CEP76: variants seen among roughly 807,000 people sequenced by gnomAD.
CEP76 encodes centrosomal protein of 76 kDa.
Under a neutral mutation model 83.3 loss-of-function variants are expected in CEP76, and 55 were observed. That is an observed-to-expected ratio of 0.66 (90% CI 0.53 to 0.83). The LOEUF (loss-of-function observed/expected upper bound fraction) is 0.83, where lower values mean the gene tolerates loss of function less well. Among genes scored for constraint, CEP76 ranks in the 40% least tolerant of loss-of-function variants. CEP76 has a pLI of 0.00. For missense variants in CEP76, 694 were observed against 799.5 expected (o/e 0.87, Z 1.59); for synonymous variants, 270 against 274.5 (o/e 0.98, Z 0.16).
intron 10 of CEP76, among the ~76,000 whole-genome samples, chr18:12,675,154 TG>T (rs1164534122): frequency 6.6e-6 from 1 of 152,154 alleles, no homozygotes; most frequent in Non-Finnish European, 1.5e-5. Context: ...CCCAGCAGTT[TG>T]GGAGGCTGAG....
At position 12,695,341 on chromosome 18, in the gene CEP76, T is replaced by C; in HGVS notation, c.717A>G (p.Ser239=). Residue 239 remains serine (S), a synonymous_variant, in exon 6 of 12, where the codon TCA becomes TCG. Transcript: ENST00000262127. ...TVELMGVGTE[S]KVSVGILNIK... ...TATTTAAAATTCCCACAGAAACTTT[T>C]GATTCTGTGCCTATAAACATAAATA... The C allele has an allele frequency of 6.7e-7, 1 of 1,492,938 alleles. No homozygotes were observed. Among genetic ancestry groups the C allele is most frequent in the Non-Finnish European group, 9.3e-7 (1 of 1,080,434 alleles). The allele number at this position is 1,492,938 out of a possible 1,614,324, so 92.5% of individuals were successfully genotyped here. A position where few individuals can be genotyped will look rare whatever the true frequency, so the allele number is the denominator to read the frequency against.
At chr18:12,663,952 G>A (rs2038751497) in intron 12 of CEP76, among the ~76,000 whole-genome samples, 1 of 152,072 alleles carries the variant, frequency 6.6e-6, no homozygotes. Context: ...ATCACCTGAG[G>A]TTGGGAGTTC....
intron 8 of CEP76, among the ~76,000 whole-genome samples, chr18:12,683,792 A>G (rs2039437479): frequency 1.3e-5 from 2 of 152,130 alleles, no homozygotes; most frequent in Admixed American, 1.3e-4. Context: ...GTAGCAACAC[A>G]TAGAAAAATG....
intron 6 of CEP76, 125 bp downstream of exon 6, chr18:12,695,129 T>C (rs1046095279): frequency 1.3e-5 from 6 of 460,694 alleles, no homozygotes; most frequent in African/African-American, 2.0e-5. Context: ...TGTGAACCTT[T>C]GAGTGCTAAT....
chr18:12,675,838 T>C (rs1456274883), intron 10 of CEP76, among the ~76,000 whole-genome samples: 1 of 151,892 alleles, frequency 6.6e-6, no homozygotes, highest in East Asian at 1.9e-4. Flanking sequence ...CCGGCTAATT[T>C]TTGTATTTTT....
At chr18:12,674,251 A>C (rs139075277) in intron 11 of CEP76, among the ~76,000 whole-genome samples, 1 of 152,042 alleles carries the variant, frequency 6.6e-6, no homozygotes, top group Admixed American at 6.6e-5. Context: ...AGCCTGGGCA[A>C]CATAGGAAGA....
intron 6 of CEP76, among the ~76,000 whole-genome samples, chr18:12,694,740 C>A (rs1312783020): frequency 1.3e-5 from 2 of 148,664 alleles, no homozygotes; most frequent in Non-Finnish European, 3.0e-5. Flanking sequence ...GAGATGGAGT[C>A]TTGCTCTGTT....
chr18:12,671,606 T>C (rs74356286), downstream of CEP76, among the ~76,000 whole-genome samples: 1,378 of 150,700 alleles, frequency 9.1e-3, 30 homozygotes, highest in African/African-American at 0.032. Context: ...ATATATAAAA[T>C]TTTAAAATAA....
At chr18:12,702,329 G>A (rs964119752) in intron 1 of CEP76, 157 bp downstream of exon 1, 4 of 594,174 alleles carry the variant, frequency 6.7e-6, no homozygotes, top group Non-Finnish European at 1.2e-5. Context: ...ACGCTCTCCT[G>A]CCTCAAACTC....
chr18:12,702,081 G>T (rs182675551), intron 1 of CEP76, among the ~76,000 whole-genome samples: 300 of 152,264 alleles, frequency 2.0e-3, no homozygotes, highest in Non-Finnish European at 3.1e-3. Context: ...AGCCGAGATC[G>T]TGCCACTGCA....
chr18:12,691,386 G>A lies in CEP76; in HGVS notation c.906C>T (p.Asn302=), dbSNP rs759573758. ...REYLQIRPSH[N]SRLVKIFAQD... Reference sequence around the variant, plus strand: ...GTGCAAAAATCTTAACCAGTCGTGAGTTGTGTGAGGGTCGAATTTGCAAAT... The same window carrying A: ...GTGCAAAAATCTTAACCAGTCGTGAATTGTGTGAGGGTCGAATTTGCAAAT... Residue 302 remains asparagine (N), a synonymous_variant, in exon 7 of 12, where the codon AAC becomes AAT. Coordinates refer to ENST00000262127, the MANE Select transcript of CEP76 (RefSeq NM_024899.4). The A allele has an allele frequency of 6.2e-7, 1 of 1,605,032 alleles. No individual in the cohort carries two copies. Among genetic ancestry groups the A allele is most frequent in the South Asian group, 1.1e-5 (1 of 88,946 alleles).
intron 5 of CEP76, among the ~76,000 whole-genome samples, chr18:12,696,001 GA>G (rs1303033644): frequency 1.3e-5 from 2 of 152,030 alleles, no homozygotes; most frequent in African/African-American, 4.8e-5. Flanking sequence ...TAAAGAACTA[GA>G]AAACAAATAT....
Position 12,673,314 on chromosome 18 carries a change from T to A in CEP76, c.*51A>T. On this transcript the variant is annotated 3_prime_UTR_variant, in exon 12 of 12. Coordinates refer to ENST00000262127, the MANE Select transcript of CEP76 (RefSeq NM_024899.4). ...CTCTAAATAGCTAAGTAATGTACAA[T>A]GTGTAAAATTCCAATTAAACACAGG... is the stretch of plus-strand genomic sequence containing the variant. 6.4e-7 allele frequency: 1 copy of A among 1,561,026 alleles called. No homozygotes were observed. The highest frequency in any genetic ancestry group is 8.6e-7 in the Non-Finnish European group (1 of 1,161,796).
intron 1 of CEP76, 131 bp downstream of exon 1, chr18:12,702,355 C>G: frequency 2.9e-6 from 2 of 691,466 alleles, no homozygotes; most frequent in Non-Finnish European, 5.0e-6. Context: ...TCTGCCTACT[C>G]TGCGTTGCGC....
intron 12 of CEP76, among the ~76,000 whole-genome samples, chr18:12,667,451 T>C (rs2038825254): frequency 6.6e-6 from 1 of 151,734 alleles, no homozygotes; most frequent in African/African-American, 2.4e-5. Flanking sequence ...AGTGAGACAG[T>C]CTCTTGAAAT....
At chr18:12,681,911 G>A (rs1057115846) in intron 8 of CEP76, among the ~76,000 whole-genome samples, 5 of 151,752 alleles carry the variant, frequency 3.3e-5, no homozygotes, top group Non-Finnish European at 7.4e-5. Context: ...CAGGAGAATC[G>A]CTTGAACCTG....
At chr18:12,669,116 G>A (rs545626645), downstream of CEP76, among the ~76,000 whole-genome samples, 7 of 121,776 alleles carry the variant, frequency 5.7e-5, no homozygotes, top group East Asian at 1.3e-3. Flanking sequence ...TCAGCTCACG[G>A]CAACCTCTTT....
chr18:12,686,096 G>C, intron 8 of CEP76, 166 bp downstream of exon 8: 1 of 491,472 alleles, frequency 2.0e-6, no homozygotes, highest in Non-Finnish European at 3.5e-6. Context: ...TTTTACTTTT[G>C]TAAGTATTTT....
rs1413067193 is a variant in CEP76 at position 12,673,029 on chromosome 18, A to T, written c.*336T>A. 1 of 1,014,734 alleles carries T rather than the reference A, an allele frequency of 9.9e-7. No homozygotes were observed. The highest frequency in any genetic ancestry group is 1.7e-5 in the African/African-American group (1 of 57,640). The allele number at this position is 1,014,734 out of a possible 1,614,324, so 62.9% of individuals were successfully genotyped here. Reference sequence around the variant, plus strand: ...CTAGGGCTCAAACCCTTAGACAAACATCTCTTTGATTACCTGTTTGTGTAA... The same window carrying T: ...CTAGGGCTCAAACCCTTAGACAAACTTCTCTTTGATTACCTGTTTGTGTAA... On this transcript the variant is annotated 3_prime_UTR_variant, in exon 12 of 12. Coordinates refer to ENST00000262127, the MANE Select transcript of CEP76 (RefSeq NM_024899.4).
Sources: gnomAD v4.1 joint callset for allele counts (sites outside exome capture counted in the v4.1 genomes callset) on GRCh38, gnomAD v4.1.1 for gene constraint, MANE v1.5 for transcripts, NCBI Gene and HGNC (gene_info 2026-07-23, HGNC 2026-07-21) for gene names.